SRRM4: variants seen among roughly 807,000 people sequenced by gnomAD.
SRRM4 encodes serine/arginine repetitive matrix protein 4.
Under a neutral mutation model 68.9 loss-of-function variants are expected in SRRM4, and 33 were observed. The ratio of observed to expected loss-of-function variants is 0.48; its 90% CI spans 0.36 to 0.64. SRRM4 has a LOEUF of 0.64. Among genes scored for constraint, SRRM4 ranks in the 30% least tolerant of loss-of-function variants. SRRM4 has a pLI of 0.00. For missense variants in SRRM4, 817 were observed against 827.1 expected, an observed-to-expected ratio of 0.99 and a Z score of 0.15; for synonymous variants, 318 against 318.8, an observed-to-expected ratio of 1.00 and a Z score of 0.03.
chr12:119,117,303 C>T lies in SRRM4; in HGVS notation c.437+295C>T, dbSNP rs571382301. Among the ~76,000 whole-genome samples, 4 of 152,248 alleles carry T rather than the reference C, an allele frequency of 2.6e-5. 1 individual carries two copies. The South Asian group carries it at 6.2e-4, about 24-fold the overall frequency. ...AGGAGTGGAAAGCTGACAGGACCCA[C>T]CTGGGACCTGAAGTGCCCGCTGTCT... On this transcript the variant is annotated intron_variant, in intron 4 of 12. Coordinates refer to ENST00000267260, the MANE Select transcript of SRRM4 (RefSeq NM_194286.4).
intron 1 of SRRM4, among the ~76,000 whole-genome samples, chr12:119,023,605 C>T (rs1594031399): frequency 1.3e-5 from 2 of 152,182 alleles, no homozygotes; most frequent in Non-Finnish European, 2.9e-5. Context: ...TGTGACCTTC[C>T]CAACATGCAA....
intron 1 of SRRM4, among the ~76,000 whole-genome samples, chr12:119,074,038 C>A (rs1254162747): frequency 6.6e-6 from 1 of 152,136 alleles, no homozygotes; most frequent in African/African-American, 2.4e-5. Flanking sequence ...AAGAGCCTGG[C>A]ACAGAGTTTG....
At chr12:119,010,301 C>T (rs1953441330) in intron 1 of SRRM4, among the ~76,000 whole-genome samples, 1 of 152,216 alleles carries the variant, frequency 6.6e-6, no homozygotes, top group African/African-American at 2.4e-5. Context: ...AATCCGCCCG[C>T]CTCAGCCTCC....
intron 1 of SRRM4, among the ~76,000 whole-genome samples, chr12:119,096,684 G>A (rs1313571946): frequency 6.6e-6 from 1 of 152,236 alleles, no homozygotes; most frequent in Non-Finnish European, 1.5e-5. Flanking sequence ...GTACAGGGCT[G>A]AGCTGGATCT....
At chr12:119,093,201 C>G (rs536187139) in intron 1 of SRRM4, among the ~76,000 whole-genome samples, 7 of 152,342 alleles carry the variant, frequency 4.6e-5, no homozygotes, top group African/African-American at 1.7e-4. Flanking sequence ...ATTTTCTGCT[C>G]TCTTCCTACC....
intron 1 of SRRM4, among the ~76,000 whole-genome samples, chr12:119,009,016 G>A (rs1953432618): frequency 6.6e-6 from 1 of 151,952 alleles, no homozygotes; most frequent in East Asian, 2.0e-4. Context: ...AGCCCAAAGG[G>A]GTGGGGTAAG....
chr12:119,134,087 G>A (rs1427037931), intron 8 of SRRM4, among the ~76,000 whole-genome samples: 1 of 152,180 alleles, frequency 6.6e-6, no homozygotes. Context: ...AGGAGCCCAA[G>A]CATGAAGGAT....
At chr12:119,096,407 G>T (rs1217033156) in intron 1 of SRRM4, among the ~76,000 whole-genome samples, 1 of 152,134 alleles carries the variant, frequency 6.6e-6, no homozygotes, top group African/African-American at 2.4e-5. Context: ...GTCTCAGTTT[G>T]TTCTTCACAG....
chr12:118,983,144 T>A (rs1444051511), intron 1 of SRRM4, among the ~76,000 whole-genome samples: 1 of 152,210 alleles, frequency 6.6e-6, no homozygotes, highest in African/African-American at 2.4e-5. Flanking sequence ...CACAACTGAT[T>A]CTGAACTTTC....
chr12:119,038,634 A>G (rs1419145261), intron 1 of SRRM4, among the ~76,000 whole-genome samples: 1 of 151,782 alleles, frequency 6.6e-6, no homozygotes, highest in Non-Finnish European at 1.5e-5. Context: ...TTGCTTCATC[A>G]TTTCTGTGTG....
Position 119,156,971 on chromosome 12 carries a change from C to A in SRRM4, c.*173C>A. The A allele has an allele frequency of 1.3e-6, 1 of 756,612 alleles. No individual in the cohort carries two copies. Among genetic ancestry groups the A allele is most frequent in the Non-Finnish European group, 2.1e-6 (1 of 487,410 alleles). 46.9% of individuals were successfully genotyped at this position (756,612 alleles called of 1,614,324 possible). ...AGGGGGCTTCACTCTCTAGATCAGC[C>A]TGCTAGGAGCCTCTACCAGCATCAT... On this transcript the variant is annotated 3_prime_UTR_variant, in exon 13 of 13. Transcript: ENST00000267260.
At chr12:119,089,200 C>T (rs1386586580) in intron 1 of SRRM4, among the ~76,000 whole-genome samples, 1 of 152,146 alleles carries the variant, frequency 6.6e-6, no homozygotes, top group Non-Finnish European at 1.5e-5. Context: ...CCAAGATGAC[C>T]TAGTCTGTTT....
chr12:119,156,842 A>T lies in SRRM4; in HGVS notation c.*44A>T. 1 of 1,478,376 alleles carries T rather than the reference A, an allele frequency of 6.8e-7. No homozygotes were observed. Among genetic ancestry groups the T allele is most frequent in the South Asian group, 1.4e-5 (1 of 73,750 alleles). 91.6% of individuals were successfully genotyped at this position (1,478,376 alleles called of 1,614,324 possible). A position where few individuals can be genotyped will look rare whatever the true frequency, so the allele number is the denominator to read the frequency against. On this transcript the variant is annotated 3_prime_UTR_variant, in exon 13 of 13. Transcript: ENST00000267260. Reference sequence around the variant, plus strand: ...CCCGTGGGGGCCCCTTCGCGCTGCCAGCCTCCCCCAACCACCTGCCCTCCC... The same window carrying T: ...CCCGTGGGGGCCCCTTCGCGCTGCCTGCCTCCCCCAACCACCTGCCCTCCC...
At chr12:119,107,607 A>T (rs904345704) in intron 2 of SRRM4, among the ~76,000 whole-genome samples, 9 of 152,140 alleles carry the variant, frequency 5.9e-5, no homozygotes, top group African/African-American at 2.2e-4. Context: ...TTATTTGTGT[A>T]GAGTGTTTAT....
intron 7 of SRRM4, 118 bp downstream of exon 7, chr12:119,125,597 C>T: frequency 1.2e-6 from 1 of 828,222 alleles, no homozygotes; most frequent in South Asian, 1.8e-5. Context: ...CTTCCTCAGA[C>T]TCAGCAGCTG....
At chr12:119,140,969 T>C (rs1199306836) in intron 8 of SRRM4, among the ~76,000 whole-genome samples, 1 of 152,200 alleles carries the variant, frequency 6.6e-6, no homozygotes, top group African/African-American at 2.4e-5. Flanking sequence ...TAGAAGAGAA[T>C]AATTTTTTTT....
At chr12:119,012,266 G>A (rs1263849030) in intron 1 of SRRM4, among the ~76,000 whole-genome samples, 1 of 152,180 alleles carries the variant, frequency 6.6e-6, no homozygotes, top group Non-Finnish European at 1.5e-5. Context: ...TTAAGATAGA[G>A]ATGAATGAGT....
Position 119,026,207 on chromosome 12 carries a change from G to A in SRRM4, c.131+44194G>A, listed in dbSNP as rs939689903. 3.3e-5 allele frequency among the ~76,000 whole-genome samples: 5 copies of A among 152,156 alleles called. No individual in the cohort carries two copies. In the South Asian group the frequency reaches 1.0e-3, roughly 31 times the overall value. On this transcript the variant is annotated intron_variant, in intron 1 of 12. Transcript: ENST00000267260. ...AAAAAATCACTCTGTGGCTGTGGAGGAGATAAGTAGGAAGGGTTCAATAAT... is the reference window on the plus strand; with the variant it reads ...AAAAAATCACTCTGTGGCTGTGGAGAAGATAAGTAGGAAGGGTTCAATAAT...
chr12:119,162,350 C>G lies in SRRM4; in HGVS notation c.*5552C>G, dbSNP rs978742903. 6.6e-6 allele frequency: 1 copy of G among 152,230 alleles called. No individual in the cohort carries two copies. Among genetic ancestry groups the G allele is most frequent in the Non-Finnish European group, 1.5e-5 (1 of 68,038 alleles). 9.4% of individuals were successfully genotyped at this position (152,230 alleles called of 1,614,324 possible). ...TAAAGCCCTCTGTATTTAGTTTGAA[C>G]TTCTCTCTAAGCCCCGTGGTCCAAA... On this transcript the variant is annotated 3_prime_UTR_variant, in exon 13 of 13. Transcript: ENST00000267260.
Sources: allele counts gnomAD v4.1 joint callset (sites outside exome capture counted in the v4.1 genomes callset), GRCh38; gene constraint gnomAD v4.1.1; transcripts MANE v1.5; gene names NCBI Gene and HGNC (gene_info 2026-07-23, HGNC 2026-07-21).